The following CD244 variants were observed in gnomAD, a reference collection of about 807,000 sequenced individuals.
The protein encoded by CD244 is CD244 molecule.
Under a neutral mutation model 45.5 loss-of-function variants are expected in CD244, and 20 were observed. The observed-to-expected ratio is 0.44, with a 90% CI of 0.31 to 0.64. CD244 has a LOEUF of 0.64. Among genes scored for constraint, CD244 ranks in the 30% least tolerant of loss-of-function variants. CD244 has a pLI of 0.08. For synonymous variants in CD244, 185 were observed against 160.5 expected (o/e 1.15, Z -1.15); for missense variants, 407 against 426.9 (o/e 0.95, Z 0.41).
intron 1 of CD244, among the ~76,000 whole-genome samples, chr1:160,858,180 A>G (rs1670177243): frequency 6.6e-6 from 1 of 151,646 alleles, no homozygotes; most frequent in Non-Finnish European, 1.5e-5. Context: ...TTGAATTCCA[A>G]TCTCTTTTCT....
chr1:160,841,064 A>C (rs920098215), intron 3 of CD244, 146 bp downstream of exon 3: 5 of 716,938 alleles, frequency 7.0e-6, no homozygotes, highest in Non-Finnish European at 1.2e-5. Flanking sequence ...GTGTGCCTGG[A>C]GGCCAGGGCT....
intron 1 of CD244, among the ~76,000 whole-genome samples, chr1:160,849,965 T>G (rs1669864663): frequency 1.3e-5 from 2 of 151,964 alleles, no homozygotes; most frequent in African/African-American, 4.8e-5. Flanking sequence ...TGAGCCAAGA[T>G]GGCACCATTG....
At chr1:160,844,672 C>T (rs1388422694) in intron 1 of CD244, among the ~76,000 whole-genome samples, 1 of 152,200 alleles carries the variant, frequency 6.6e-6, no homozygotes, top group Non-Finnish European at 1.5e-5. Flanking sequence ...CAGCTAAGGC[C>T]ATTCTAAATC....
At chr1:160,844,420 T>C (rs1669655184) in intron 1 of CD244, among the ~76,000 whole-genome samples, 2 of 152,228 alleles carry the variant, frequency 1.3e-5, no homozygotes, top group East Asian at 3.8e-4. Flanking sequence ...GTCCTTGCAA[T>C]GTGACTTTAC....
At chr1:160,839,354 C>A (rs1338123330) in intron 3 of CD244, among the ~76,000 whole-genome samples, 3 of 152,156 alleles carry the variant, frequency 2.0e-5, no homozygotes, top group Non-Finnish European at 4.4e-5. Flanking sequence ...TGCCTCAGAG[C>A]CTCTTAGATT....
chr1:160,847,986 C>A (rs1669792495), intron 1 of CD244: 1 of 244,242 alleles, frequency 4.1e-6, no homozygotes, highest in African/African-American at 2.3e-5. Flanking sequence ...GCCTTCACCA[C>A]CTAGAGTCTC....
At position 160,841,822 on chromosome 1, in the gene CD244, C is replaced by A. The variant is rs1168312423; in HGVS notation, c.141G>T (p.Lys47Asn). The A allele has an allele frequency of 8.7e-6, 14 of 1,614,110 alleles. No individual in the cohort carries two copies. Among genetic ancestry groups the A allele is most frequent in the Non-Finnish European group, 1.2e-5 (14 of 1,180,024 alleles). ...LQLQPNSIQT[K>N]VDSIAWKKLL... ...ACTTCTTCCATGCAATGCTGTCAAC[C>A]TTCGTCTGTATGCTGTTTGGTTGTA... is the stretch of plus-strand genomic sequence containing the variant. Residue 47 changes from lysine to asparagine, a missense_variant, in exon 2 of 9, where the codon AAG becomes AAT. Coordinates refer to ENST00000368034, the MANE Select transcript of CD244 (RefSeq NM_016382.4).
At chr1:160,842,927 A>G (rs918400920) in intron 1 of CD244, among the ~76,000 whole-genome samples, 2 of 152,216 alleles carry the variant, frequency 1.3e-5, no homozygotes, top group Non-Finnish European at 2.9e-5. Context: ...CAGCAGGTGC[A>G]GGAAATTAAA....
At chr1:160,833,979 C>G (rs945070823) in intron 7 of CD244, 72 bp downstream of exon 7, 2 of 1,083,108 alleles carry the variant, frequency 1.8e-6, no homozygotes, top group African/African-American at 1.5e-5. Flanking sequence ...CACACACACT[C>G]TCACTGCAAA....
chr1:160,837,778 C>A (rs887937592), intron 5 of CD244, among the ~76,000 whole-genome samples: 1 of 152,266 alleles, frequency 6.6e-6, no homozygotes, highest in Non-Finnish European at 1.5e-5. Flanking sequence ...TTCCCCTGGG[C>A]CTGTCACCAC....
intron 1 of CD244, among the ~76,000 whole-genome samples, chr1:160,861,323 G>C (rs764879711): frequency 6.6e-6 from 1 of 152,158 alleles, no homozygotes; most frequent in Non-Finnish European, 1.5e-5. Context: ...CCTGAGCCTT[G>C]ACTGTGTCTT....
intron 1 of CD244, among the ~76,000 whole-genome samples, chr1:160,845,754 G>A (rs1299418707): frequency 6.6e-6 from 1 of 151,914 alleles, no homozygotes; most frequent in African/African-American, 2.4e-5. Flanking sequence ...TACTTGGGAG[G>A]CTGAGGCAGG....
chr1:160,840,645 G>A (rs551282862), intron 3 of CD244, among the ~76,000 whole-genome samples: 1 of 152,106 alleles, frequency 6.6e-6, no homozygotes, highest in African/African-American at 2.4e-5. Flanking sequence ...AGAGCTGTAT[G>A]GTTTTTTTTT....
chr1:160,847,281 T>C (rs771628642), intron 1 of CD244, among the ~76,000 whole-genome samples: 7 of 151,576 alleles, frequency 4.6e-5, no homozygotes, highest in Non-Finnish European at 7.4e-5. Flanking sequence ...TCTGTCTCTC[T>C]AGCTGCTACA....
At position 160,862,792 on chromosome 1, in the gene CD244, A is replaced by G; in HGVS notation, c.-115T>C. The G allele has an allele frequency of 1.2e-6, 1 of 822,902 alleles. No homozygotes were observed. Among genetic ancestry groups the G allele is most frequent in the South Asian group, 1.8e-5 (1 of 56,406 alleles). The allele number at this position is 822,902 out of a possible 1,614,324, so 51.0% of individuals were successfully genotyped here. The stretch of plus-strand genomic sequence containing the variant: ...ACGATGGGGAGCAGAACTGCCTTGC[A>G]ACCTGTCCAGCCACAGTTTCCTCAA... On this transcript the variant is annotated 5_prime_UTR_variant, in exon 1 of 9. Coordinates refer to ENST00000368034, the MANE Select transcript of CD244 (RefSeq NM_016382.4).
chr1:160,852,693 C>T (rs1387074139), intron 1 of CD244, among the ~76,000 whole-genome samples: 2 of 152,026 alleles, frequency 1.3e-5, no homozygotes, highest in Non-Finnish European at 2.9e-5. Context: ...TAAAACTAAA[C>T]TTACATATAC....
intron 1 of CD244, among the ~76,000 whole-genome samples, chr1:160,851,510 T>G (rs1442899103): frequency 6.6e-6 from 1 of 152,212 alleles, no homozygotes; most frequent in Admixed American, 6.5e-5. Flanking sequence ...AAAACCTTGA[T>G]ATCTCCCTCA....
intron 1 of CD244, chr1:160,848,541 T>A (rs1437704889): frequency 2.4e-6 from 1 of 411,206 alleles, no homozygotes; most frequent in Non-Finnish European, 4.7e-6. Flanking sequence ...TCAGAGAAGT[T>A]CCTGCCTCAG....
intron 1 of CD244, among the ~76,000 whole-genome samples, 159 bp downstream of exon 1, chr1:160,862,458 G>A (rs1179702509): frequency 6.6e-6 from 1 of 152,212 alleles, no homozygotes; most frequent in Non-Finnish European, 1.5e-5. Context: ...CTGCCAGCCT[G>A]TCCTGTCTGA....
Sources: allele counts gnomAD v4.1 joint callset (sites outside exome capture counted in the v4.1 genomes callset), GRCh38; gene constraint gnomAD v4.1.1; transcripts MANE v1.5; gene names NCBI Gene and HGNC (gene_info 2026-07-23, HGNC 2026-07-21).